The following NELL1 variants were observed in gnomAD, a reference collection of about 807,000 sequenced individuals.
NELL1 encodes neural EGFL like 1.
A neutral mutation model predicts 107.4 loss-of-function variants in NELL1; 76 were observed. The ratio of observed to expected loss-of-function variants is 0.71; its 90% CI spans 0.59 to 0.86. The LOEUF is 0.86. Ranked by LOEUF, NELL1 falls within the 40% of genes least tolerant of loss-of-function variation. The pLI, the probability that NELL1 is intolerant of heterozygous loss-of-function variation, is 0.00. For synonymous variants in NELL1, 353 were observed against 341.2 expected (o/e 1.03, Z -0.38); for missense variants, 1,024 against 1,005.5 (o/e 1.02, Z -0.25).
chr11:21,231,852 AGTCTTGT>A (rs1401011741), intron 14 of NELL1, among the ~76,000 whole-genome samples: 1 of 152,168 alleles, frequency 6.6e-6, no homozygotes, highest in Non-Finnish European at 1.5e-5. Context: ...AGTAAGGAAA[AGTCTTGT>A]GTTTTATAAA....
At chr11:21,352,288 T>C (rs953430249) in intron 14 of NELL1, among the ~76,000 whole-genome samples, 5 of 152,196 alleles carry the variant, frequency 3.3e-5, no homozygotes, top group African/African-American at 9.7e-5. Context: ...GTTTAGTTTA[T>C]ATTTTTCTCC....
intron 16 of NELL1, among the ~76,000 whole-genome samples, chr11:21,557,238 T>C (rs772395742): frequency 6.6e-5 from 10 of 152,016 alleles, no homozygotes; most frequent in Non-Finnish European, 1.2e-4. Context: ...CTGTAGGCAA[T>C]ATGGTCCTAT....
chr11:21,050,526 G>A lies in NELL1; in HGVS notation c.1301-63063G>A, dbSNP rs548896297. ...AAAATATACAGTGTTATCTGACTCG[G>A]AGAAGAGAAATTATTTCTAAATCTT... On this transcript the variant is annotated intron_variant, in intron 12 of 19. Coordinates refer to ENST00000357134, the MANE Select transcript of NELL1 (RefSeq NM_006157.5). 8.5e-5 allele frequency among the ~76,000 whole-genome samples: 13 copies of A among 152,202 alleles called. No homozygotes were observed. In the South Asian group the frequency reaches 2.7e-3, roughly 32 times the overall value.
At chr11:21,235,748 G>T (rs1163380571) in intron 14 of NELL1, among the ~76,000 whole-genome samples, 1 of 152,044 alleles carries the variant, frequency 6.6e-6, no homozygotes. Flanking sequence ...TTAACACAGG[G>T]ATACAAATTT....
chr11:21,115,331 A>ACAC (rs1855207471), intron 13 of NELL1, among the ~76,000 whole-genome samples: 3 of 140,616 alleles, frequency 2.1e-5, no homozygotes, highest in Admixed American at 7.1e-5. Context: ...GTCTACATCA[A>ACAC]ACACACACAC....
intron 2 of NELL1, among the ~76,000 whole-genome samples, chr11:20,725,978 G>T (rs1194881666): frequency 6.6e-6 from 1 of 151,432 alleles, no homozygotes; most frequent in Non-Finnish European, 1.5e-5. Flanking sequence ...TTAGCTCCCA[G>T]TTGTGAGAAC....
intron 12 of NELL1, among the ~76,000 whole-genome samples, chr11:21,099,396 C>A (rs543837609): frequency 6.6e-6 from 1 of 152,094 alleles, no homozygotes; most frequent in African/African-American, 2.4e-5. Flanking sequence ...AAGAGAATGC[C>A]TCTCTCATCT....
At chr11:21,290,735 A>G (rs960939912) in intron 14 of NELL1, among the ~76,000 whole-genome samples, 1 of 152,266 alleles carries the variant, frequency 6.6e-6, no homozygotes, top group African/African-American at 2.4e-5. Flanking sequence ...AAACTCCAGC[A>G]GACCTGCTGC....
At chr11:20,779,472 T>G (rs1856814107) in intron 2 of NELL1, among the ~76,000 whole-genome samples, 1 of 152,232 alleles carries the variant, frequency 6.6e-6, no homozygotes, top group Non-Finnish European at 1.5e-5. Flanking sequence ...TCCTGTTATC[T>G]CTAGCAGAAT....
At chr11:21,566,890 G>A (rs930327342) in intron 17 of NELL1, among the ~76,000 whole-genome samples, 2 of 151,776 alleles carry the variant, frequency 1.3e-5, no homozygotes, top group Admixed American at 1.3e-4. Context: ...CCATTGTTCT[G>A]AAACACGTTA....
At chr11:20,962,320 T>A in intron 12 of NELL1, among the ~76,000 whole-genome samples, 1 of 152,202 alleles carries the variant, frequency 6.6e-6, no homozygotes, top group East Asian at 1.9e-4. Flanking sequence ...TCCCACTATT[T>A]ACCATGGAAA....
chr11:21,310,845 C>T (rs1438041160), intron 14 of NELL1, among the ~76,000 whole-genome samples: 1 of 152,046 alleles, frequency 6.6e-6, no homozygotes, highest in Non-Finnish European at 1.5e-5. Flanking sequence ...TGGGCTAGAT[C>T]CTGCAGAGAC....
intron 13 of NELL1, chr11:21,169,612 A>C (rs940115324): frequency 5.7e-6 from 2 of 351,020 alleles, no homozygotes; most frequent in African/African-American, 4.3e-5. Context: ...TTTATTTTGC[A>C]TGCATTCTTT....
At chr11:21,109,437 A>G (rs1855053746) in intron 12 of NELL1, among the ~76,000 whole-genome samples, 1 of 152,066 alleles carries the variant, frequency 6.6e-6, no homozygotes, top group Admixed American at 6.6e-5. Flanking sequence ...GGATTTGTGT[A>G]TGTTCAACTT....
At chr11:21,227,257 A>G (rs11025969) in intron 13 of NELL1, among the ~76,000 whole-genome samples, 34,788 of 152,054 alleles carry the variant, frequency 0.23, 4,848 homozygotes, top group Non-Finnish European at 0.31. Context: ...TAGCATGACC[A>G]CACATGCTAG....
rs537903520 is a variant in NELL1, at chr11:21,385,609, C to T, written c.1645+14661C>T. 3.3e-5 allele frequency among the ~76,000 whole-genome samples: 5 copies of T among 151,950 alleles called. No individual in the cohort carries two copies. In the South Asian group the frequency reaches 1.0e-3, roughly 32 times the overall value. On this transcript the variant is annotated intron_variant, in intron 15 of 19. Coordinates refer to ENST00000357134, the MANE Select transcript of NELL1 (RefSeq NM_006157.5). ...GATTTCAGAACACAAGTCTTCAAGT[C>T]CCCAGTCTTACTCCTCCCTCACAGA...
intron 14 of NELL1, among the ~76,000 whole-genome samples, chr11:21,312,300 C>T (rs766837137): frequency 8.6e-5 from 13 of 151,754 alleles, no homozygotes; most frequent in South Asian, 6.3e-4. Context: ...AGCAACTACC[C>T]GGAAGAGCTC....
intron 11 of NELL1, among the ~76,000 whole-genome samples, chr11:20,955,768 A>C (rs2134208332): frequency 6.6e-6 from 1 of 152,308 alleles, no homozygotes; most frequent in East Asian, 1.9e-4. Flanking sequence ...ATTATTATTT[A>C]ATAACAATAT....
intron 12 of NELL1, among the ~76,000 whole-genome samples, chr11:20,973,993 T>G (rs1344216113): frequency 1.3e-5 from 2 of 152,258 alleles, no homozygotes; most frequent in Non-Finnish European, 2.9e-5. Context: ...TGAAGTCATG[T>G]GTTGCATTTG....
Sources: allele counts gnomAD v4.1 joint callset (sites outside exome capture counted in the v4.1 genomes callset), GRCh38; gene constraint gnomAD v4.1.1; transcripts MANE v1.5; gene names NCBI Gene and HGNC (gene_info 2026-07-23, HGNC 2026-07-21).